FBXO27: variants seen among roughly 807,000 people sequenced by gnomAD.
FBXO27 encodes F-box protein 27.
In FBXO27, 28 loss-of-function variants were observed where a neutral mutation model predicts 28.3. That is an observed-to-expected ratio of 0.99 (90% CI 0.73 to 1.36). FBXO27 has a LOEUF of 1.36. Ranked by LOEUF, FBXO27 falls within the 40% of genes most tolerant of loss-of-function variation. The pLI is 0.00. For missense variants in FBXO27, 388 were observed against 394.1 expected, an observed-to-expected ratio of 0.98 and a Z score of 0.13; for synonymous variants, 175 against 167.3, an observed-to-expected ratio of 1.05 and a Z score of -0.36.
chr19:39,016,562 G>A (rs1420647875), intron 1 of FBXO27, among the ~76,000 whole-genome samples: 1 of 149,512 alleles, frequency 6.7e-6, no homozygotes, highest in Non-Finnish European at 1.5e-5. Flanking sequence ...GACCAGCCTG[G>A]GCAACATAGT....
At position 39,025,552 on chromosome 19, in the gene FBXO27, G is replaced by A. The variant is rs959930281; in HGVS notation, c.711C>T (p.Val237=). ...PQWNNNACLH[V]THVFSNIKMG... ...TCTTGATGTTGGAGAACACGTGGGT[G>A]ACCTGTAGGCAGAGGAGGGGCTCAG... Residue 237 remains valine (V), a splice_region_variant and synonymous_variant, in exon 6 of 6, where the codon GTC becomes GTT. Coordinates refer to ENST00000292853, the MANE Select transcript of FBXO27 (RefSeq NM_178820.5). 6.2e-7 allele frequency: 1 copy of A among 1,613,258 alleles called. No homozygotes were observed. Among genetic ancestry groups the A allele is most frequent in the Non-Finnish European group, 8.5e-7 (1 of 1,179,586 alleles).
At chr19:39,020,699 C>T (rs181372507), downstream of FBXO27, among the ~76,000 whole-genome samples, 2 of 132,166 alleles carry the variant, frequency 1.5e-5, no homozygotes, top group Non-Finnish European at 3.1e-5. Flanking sequence ...TACATGACCT[C>T]ACAGGATTTA....
chr19:39,032,123 C>T lies in FBXO27; in HGVS notation c.105G>A (p.Leu35=), dbSNP rs895366329. The T allele has an allele frequency of 1.3e-6, 2 of 1,537,236 alleles. No homozygotes were observed. Among genetic ancestry groups the T allele is most frequent in the Non-Finnish European group, 1.7e-6 (2 of 1,149,698 alleles). The stretch of plus-strand genomic sequence containing the variant: ...GCGGGGGGACGTGGCTCAGCACCAC[C>T]AGAAGCAGCTCTGGGGGTAGTTGGC... ...DLSQLPPELL[L]VVLSHVPPRT... Residue 35 remains leucine, a synonymous_variant, in exon 2 of 6, where the codon CTG becomes CTA. Transcript: ENST00000292853. This position sits in a 1 kb window ranked among gnomAD's most constrained non-coding sequence, Gnocchi z 4.7.
intron 4 of FBXO27, among the ~76,000 whole-genome samples, chr19:39,030,189 T>C (rs1011561581): frequency 6.6e-6 from 1 of 152,166 alleles, no homozygotes; most frequent in Non-Finnish European, 1.5e-5. Flanking sequence ...AAGCTCTGAA[T>C]GATCTGAGGG....
intron 1 of FBXO27, among the ~76,000 whole-genome samples, chr19:39,018,668 T>C (rs2072830502): frequency 6.6e-6 from 1 of 152,074 alleles, no homozygotes; most frequent in Non-Finnish European, 1.5e-5. Flanking sequence ...GAATTCAGCA[T>C]TGAGGAGCAT....
chr19:39,014,443 A>T (rs1464484505), exon 2 of FBXO27: 1 of 152,070 alleles, frequency 6.6e-6, no homozygotes, highest in African/African-American at 2.4e-5. Context: ...GGCTGGATGC[A>T]GTGGCTTGTG....
chr19:39,032,516 G>T lies in FBXO27; in HGVS notation c.-40C>A, dbSNP rs147161610. 1,483 of 369,334 alleles carry T rather than the reference G, an allele frequency of 4.0e-3. 23 individuals are homozygous for T. The highest frequency in any genetic ancestry group is 0.03 in the African/African-American group (1,405 of 46,522). The allele number at this position is 369,334 out of a possible 1,614,324, so 22.9% of individuals were successfully genotyped here. A position where few individuals can be genotyped will look rare whatever the true frequency, so the allele number is the denominator to read the frequency against. On this transcript the variant is annotated 5_prime_UTR_variant, in exon 1 of 6. Transcript: ENST00000292853. This position sits in a 1 kb window ranked among gnomAD's most constrained non-coding sequence, Gnocchi z 4.7. ...CCCAAGTCCTACCCCGGGGCCTGGC[G>T]GCGCTCCTCGCCGGGATGCCCTAGC...
chr19:39,025,185 C>A lies in FBXO27; in HGVS notation c.*226G>T. The A allele has an allele frequency of 1.8e-6, 1 of 557,832 alleles. No individual in the cohort carries two copies. The highest frequency in any genetic ancestry group is 3.1e-6 in the Non-Finnish European group (1 of 326,262). The allele number at this position is 557,832 out of a possible 1,614,324, so 34.6% of individuals were successfully genotyped here. A position where few individuals can be genotyped will look rare whatever the true frequency, so the allele number is the denominator to read the frequency against. ...GGGTTTCCCCTCAGTACAGTAGGGC[C>A]CCCCCGCAAAGCAGCAGCTGCAGTA... On this transcript the variant is annotated 3_prime_UTR_variant, in exon 6 of 6. Coordinates refer to ENST00000292853, the MANE Select transcript of FBXO27 (RefSeq NM_178820.5).
intron 1 of FBXO27, among the ~76,000 whole-genome samples, chr19:39,014,745 A>G (rs1231271925): frequency 2.0e-5 from 3 of 150,976 alleles, no homozygotes; most frequent in Non-Finnish European, 4.4e-5. Flanking sequence ...AAACAAACAA[A>G]CAAACAAACA....
chr19:39,018,430 G>A (rs2072829428), intron 1 of FBXO27, among the ~76,000 whole-genome samples: 1 of 152,098 alleles, frequency 6.6e-6, no homozygotes, highest in East Asian at 1.9e-4. Flanking sequence ...CCAGTAAATT[G>A]CATAGCGCAG....
At chr19:39,010,541 G>A (rs73032437) in intron 2 of FBXO27, among the ~76,000 whole-genome samples, 14,162 of 152,212 alleles carry the variant, frequency 0.093, 871 homozygotes, top group Non-Finnish European at 0.13. Flanking sequence ...TTGAGGACTA[G>A]CTGAAACAGG....
intron 2 of FBXO27, among the ~76,000 whole-genome samples, chr19:39,007,074 A>AAC (rs1430940428): frequency 2.0e-5 from 3 of 150,196 alleles, no homozygotes; most frequent in East Asian, 3.9e-4. Context: ...AAAAAAAAAA[A>AAC]AAAATACAGA....
chr19:39,007,144 T>C (rs1439206144), intron 2 of FBXO27, among the ~76,000 whole-genome samples: 1 of 151,732 alleles, frequency 6.6e-6, no homozygotes, highest in Non-Finnish European at 1.5e-5. Context: ...TTACAGTTTT[T>C]AGGGAACCCC....
At chr19:39,008,121 C>G (rs924302731) in intron 2 of FBXO27, among the ~76,000 whole-genome samples, 2 of 151,966 alleles carry the variant, frequency 1.3e-5, no homozygotes, top group Non-Finnish European at 2.9e-5. Context: ...AAAAATTAGC[C>G]AGGCATGGTG....
rs199569183 is a variant in FBXO27, at chr19:39,031,362, G to T, written c.365-42C>A. 3.1e-6 allele frequency: 5 copies of T among 1,593,714 alleles called. No individual in the cohort carries two copies. The Admixed American group carries it at 8.4e-5, about 27-fold the overall frequency. On this transcript the variant is annotated intron_variant, in intron 2 of 5. Coordinates refer to ENST00000292853, the MANE Select transcript of FBXO27 (RefSeq NM_178820.5). ...GCTTGTGCCCAAGTTCCAGTCGCCC[G>T]CCTGTTGGTTCCTAGTGAGACCCCG...
intron 2 of FBXO27, among the ~76,000 whole-genome samples, chr19:39,007,679 G>C (rs953411327): frequency 6.6e-6 from 1 of 152,026 alleles, no homozygotes; most frequent in African/African-American, 2.4e-5. Flanking sequence ...GTCTCTCTCT[G>C]TCACCCAGGC....
In FBXO27 at chr19:39,032,087, G is replaced by A. The variant is rs755680365; in HGVS notation, c.141C>T (p.Leu47=). 2 of 1,532,358 alleles carry A rather than the reference G, an allele frequency of 1.3e-6. No individual in the cohort carries two copies. The highest frequency in any genetic ancestry group is 1.7e-6 in the Non-Finnish European group (2 of 1,146,134). 94.9% of individuals were successfully genotyped at this position (1,532,358 alleles called of 1,614,324 possible). Residue 47 remains leucine (L), a synonymous_variant, in exon 2 of 6, where the codon CTC becomes CTT. Transcript: ENST00000292853. The surrounding 1 kb of genome is among the most constrained non-coding windows in gnomAD (Gnocchi z 4.7). ...VLSHVPPRTL[L]GRCRQVCRGW... Reference sequence around the variant, plus strand: ...CCCGGCACACTTGGCGGCAGCGCCCGAGCAGCGTGCGCGGGGGGACGTGGC... The same window carrying A: ...CCCGGCACACTTGGCGGCAGCGCCCAAGCAGCGTGCGCGGGGGGACGTGGC...
chr19:39,025,643 C>A (rs747264289), intron 5 of FBXO27, 89 bp from the exon 6 acceptor site: 2 of 1,461,740 alleles, frequency 1.4e-6, no homozygotes, highest in East Asian at 2.4e-5. Context: ...GGTTATTTTC[C>A]AAGGATGGCT....
At chr19:39,020,755 CAAAA>C (rs61577516), downstream of FBXO27, among the ~76,000 whole-genome samples, 11 of 105,262 alleles carry the variant, frequency 1.0e-4, no homozygotes, top group Admixed American at 1.0e-4. Flanking sequence ...GTGGATATGG[CAAAA>C]AAAAAAAAAA....
Sources: allele counts gnomAD v4.1 joint callset (sites outside exome capture counted in the v4.1 genomes callset), GRCh38; gene constraint gnomAD v4.1.1; non-coding constraint Gnocchi (gnomAD v3.1); transcripts MANE v1.5; gene names NCBI Gene and HGNC (gene_info 2026-07-23, HGNC 2026-07-21).